Variants in RGS5 observed in about 807,000 individuals in gnomAD.
The protein encoded by RGS5 is regulator of G protein signaling 5.
RGS5 carries 20 observed loss-of-function variants against 18.9 expected under a neutral mutation model. That is an observed-to-expected ratio of 1.06 (90% CI 0.74 to 1.54). The LOEUF is 1.54. Among genes scored for constraint, RGS5 ranks in the 40% most tolerant of loss-of-function variants. RGS5 has a pLI of 0.00. For missense variants in RGS5, 201 were observed against 211.8 expected, an observed-to-expected ratio of 0.95 and a Z score of 0.32; for synonymous variants, 57 against 76.2, an observed-to-expected ratio of 0.75 and a Z score of 1.31.
intron 2 of RGS5, among the ~76,000 whole-genome samples, chr1:163,222,689 C>T (rs1012143069): frequency 2.0e-5 from 3 of 152,132 alleles, no homozygotes; most frequent in Non-Finnish European, 4.4e-5. Context: ...GAGACCTGAC[C>T]TCTCAGCACT....
intron 1 of RGS5, among the ~76,000 whole-genome samples, chr1:163,313,854 G>GT (rs1402129698): frequency 6.6e-6 from 1 of 152,156 alleles, no homozygotes; most frequent in African/African-American, 2.4e-5. Flanking sequence ...CAGTGTAAGC[G>GT]TTTGAGATTA....
chr1:163,283,030 C>T (rs1649036949), intron 2 of RGS5, among the ~76,000 whole-genome samples: 1 of 151,802 alleles, frequency 6.6e-6, no homozygotes, highest in Admixed American at 6.6e-5. Context: ...ATAAGCCAGG[C>T]ACAGAAAGAC....
chr1:163,312,980 C>A (rs568763318), intron 1 of RGS5, among the ~76,000 whole-genome samples: 1 of 152,142 alleles, frequency 6.6e-6, no homozygotes, highest in Non-Finnish European at 1.5e-5. Flanking sequence ...AGCTAATCAC[C>A]TGCATGGTTT....
At chr1:163,226,587 C>T (rs930796966) in intron 2 of RGS5, among the ~76,000 whole-genome samples, 66 of 152,166 alleles carry the variant, frequency 4.3e-4, no homozygotes, top group African/African-American at 1.3e-3. Flanking sequence ...TGAGATGCAC[C>T]GCCACCCTAA....
At chr1:163,181,866 C>A (rs999167138) in intron 1 of RGS5, among the ~76,000 whole-genome samples, 5 of 152,162 alleles carry the variant, frequency 3.3e-5, no homozygotes, top group Non-Finnish European at 7.4e-5. Context: ...CCAACTCTTA[C>A]TTACCAGCAG....
At chr1:163,167,940 T>C (rs76861821) in intron 2 of RGS5, among the ~76,000 whole-genome samples, 1 of 152,206 alleles carries the variant, frequency 6.6e-6, no homozygotes, top group Non-Finnish European at 1.5e-5. Context: ...GCAGGTATTT[T>C]TACCACACTG....
intron 2 of RGS5, chr1:163,306,212 T>A (rs1252408246): frequency 6.6e-6 from 1 of 152,232 alleles, no homozygotes; most frequent in Non-Finnish European, 1.5e-5. Context: ...ATCCTCTATG[T>A]GCTGTTGACT....
intron 1 of RGS5, among the ~76,000 whole-genome samples, chr1:163,217,242 TA>T (rs1178651488): frequency 6.6e-6 from 1 of 152,056 alleles, no homozygotes; most frequent in Non-Finnish European, 1.5e-5. Context: ...AAATAACAGT[TA>T]AAAAAATAAA....
At chr1:163,219,083 T>G (rs973982539), upstream of RGS5, among the ~76,000 whole-genome samples, 8 of 151,948 alleles carry the variant, frequency 5.3e-5, no homozygotes, top group Admixed American at 4.6e-4. Context: ...TTTCACTACA[T>G]TTTTATTATA....
intron 1 of RGS5, 124 bp from the exon 2 acceptor site, chr1:163,168,492 G>T (rs761977348): frequency 1.0e-5 from 7 of 695,824 alleles, no homozygotes; most frequent in Admixed American, 2.7e-5. Context: ...TATTTTTCTT[G>T]TGGCAGAAAG....
chr1:163,197,939 C>T (rs2101656395), intron 1 of RGS5, among the ~76,000 whole-genome samples: 1 of 152,150 alleles, frequency 6.6e-6, no homozygotes, highest in African/African-American at 2.4e-5. Flanking sequence ...ACAATTAGCC[C>T]AAGGATGTGC....
chr1:163,306,770 G>A (rs1421120976), intron 1 of RGS5, among the ~76,000 whole-genome samples: 1 of 152,144 alleles, frequency 6.6e-6, no homozygotes, highest in Non-Finnish European at 1.5e-5. Context: ...GCCATGTGAA[G>A]ATAAAGGATA....
intron 1 of RGS5, among the ~76,000 whole-genome samples, chr1:163,307,125 G>A (rs1170486725): frequency 2.6e-5 from 4 of 152,178 alleles, no homozygotes; most frequent in Non-Finnish European, 5.9e-5. Flanking sequence ...GAAACAGAGG[G>A]AAGACCTACT....
exon 1 of RGS5, chr1:163,217,562 G>A (rs1660245829): frequency 1.3e-6 from 2 of 1,547,054 alleles, no homozygotes. Flanking sequence ...TCTGTAAGAT[G>A]AGAATATCCT....
At chr1:163,261,459 G>C (rs1009362) in intron 2 of RGS5, among the ~76,000 whole-genome samples, 43,872 of 151,938 alleles carry the variant, frequency 0.29, 6,481 homozygotes, top group Non-Finnish European at 0.32. Flanking sequence ...CTCTTGAGAC[G>C]ACCACAGACC....
intron 1 of RGS5, among the ~76,000 whole-genome samples, chr1:163,178,694 C>A (rs1217781923): frequency 2.6e-5 from 4 of 152,200 alleles, no homozygotes; most frequent in South Asian, 4.1e-4. Flanking sequence ...GCATGAAAGG[C>A]CCCTACCCCA....
intron 2 of RGS5, among the ~76,000 whole-genome samples, chr1:163,276,405 C>T (rs1489784956): frequency 1.3e-5 from 2 of 152,032 alleles, no homozygotes; most frequent in African/African-American, 4.8e-5. Context: ...TTACTGGGTA[C>T]AATACTCTCA....
At chr1:163,158,727 G>T (rs1657683975) in intron 3 of RGS5, among the ~76,000 whole-genome samples, 1 of 152,160 alleles carries the variant, frequency 6.6e-6, no homozygotes, top group African/African-American at 2.4e-5. Flanking sequence ...AGGACCACAG[G>T]ACCGGGGTGA....
At chr1:163,188,366 C>A (rs1659183640) in intron 1 of RGS5, among the ~76,000 whole-genome samples, 2 of 152,118 alleles carry the variant, frequency 1.3e-5, no homozygotes, top group African/African-American at 4.8e-5. Flanking sequence ...CTGAAAGGCA[C>A]CCACAAAAGG....
Sources: gnomAD v4.1 joint callset for allele counts (sites outside exome capture counted in the v4.1 genomes callset) on GRCh38, gnomAD v4.1.1 for gene constraint, MANE v1.5 for transcripts, NCBI Gene and HGNC (gene_info 2026-07-23, HGNC 2026-07-21) for gene names.